Variants in ASIC2 observed in about 807,000 individuals in gnomAD.
The protein encoded by ASIC2 is acid-sensing ion channel 2.
ASIC2 carries 25 observed loss-of-function variants against 57.3 expected under a neutral mutation model. The ratio of observed to expected loss-of-function variants is 0.44; its 90% CI spans 0.32 to 0.61. ASIC2 has a LOEUF of 0.61. Among genes scored for constraint, ASIC2 ranks in the 20% least tolerant of loss-of-function variants. The probability of loss-of-function intolerance (pLI) is 0.06; values close to 1 mark genes in which losing one functional copy is unlikely to be tolerated. For missense variants in ASIC2, 641 were observed against 738.1 expected, an observed-to-expected ratio of 0.87 and a Z score of 1.52; for synonymous variants, 319 against 307.5, an observed-to-expected ratio of 1.04 and a Z score of -0.39.
chr17:33,030,797 C>T lies in ASIC2; in HGVS notation c.988-2405G>A, dbSNP rs145776956. Among the ~76,000 whole-genome samples, 11 of 152,238 alleles carry T rather than the reference C, an allele frequency of 7.2e-5. No individual in the cohort carries two copies. The East Asian group carries it at 2.1e-3, about 29-fold the overall frequency. The stretch of plus-strand genomic sequence containing the variant: ...TGATTTTTCTCCTTCATTCTATTAA[C>T]ACAGTGAATGGTATTGATTGATCTG... On this transcript the variant is annotated intron_variant, in intron 3 of 9. Coordinates refer to ENST00000225823, the MANE Select transcript of ASIC2 (RefSeq NM_183377.2).
chr17:33,799,403 TTTTCTTTCTTTCTTTCTTTCTTTC>T (rs1555562483), intron 1 of ASIC2, among the ~76,000 whole-genome samples: 32 of 51,360 alleles, frequency 6.2e-4, no homozygotes, highest in Non-Finnish European at 1.1e-3. Context: ...TCTTTCTTTC[TTTTCTTTCTTTCTTTCTTTCTTTC>T]TTCTTTCTTT....
intron 1 of ASIC2, among the ~76,000 whole-genome samples, chr17:33,950,530 G>A (rs1003979614): frequency 6.6e-6 from 1 of 152,262 alleles, no homozygotes; most frequent in Non-Finnish European, 1.5e-5. Flanking sequence ...TGAAGGGAAG[G>A]TGGGGTTGGG....
intron 5 of ASIC2, 36 bp downstream of exon 5, chr17:33,025,890 G>A (rs759733793): frequency 9.0e-6 from 14 of 1,559,374 alleles, no homozygotes; most frequent in Middle Eastern, 1.7e-4. Context: ...TCAGGCCCCC[G>A]GCCCCCATGA....
intron 1 of ASIC2, among the ~76,000 whole-genome samples, chr17:34,087,903 T>C (rs892218316): frequency 2.0e-5 from 3 of 152,156 alleles, no homozygotes; most frequent in Non-Finnish European, 2.9e-5. Context: ...GCTCCTTTAA[T>C]CACTTCTCTG....
chr17:33,723,290 AC>A (rs1281600571), intron 1 of ASIC2, among the ~76,000 whole-genome samples: 5 of 152,182 alleles, frequency 3.3e-5, no homozygotes, highest in Admixed American at 1.3e-4. Flanking sequence ...TTCATTCCAA[AC>A]ACTCTATGAT....
chr17:34,108,908 A>AATT, intron 1 of ASIC2, among the ~76,000 whole-genome samples: 1 of 151,816 alleles, frequency 6.6e-6, no homozygotes, highest in East Asian at 1.9e-4. Flanking sequence ...TTTATCTTGA[A>AATT]ATTTATTTTG....
chr17:34,014,165 A>C (rs1906864885), intron 1 of ASIC2, among the ~76,000 whole-genome samples: 2 of 152,176 alleles, frequency 1.3e-5, no homozygotes, highest in Non-Finnish European at 2.9e-5. Context: ...CACTATTCTC[A>C]GCTCTTTATG....
intron 1 of ASIC2, among the ~76,000 whole-genome samples, chr17:33,345,455 A>C (rs558224580): frequency 6.6e-6 from 1 of 152,304 alleles, no homozygotes; most frequent in South Asian, 2.1e-4. Context: ...CTCTTCTTGG[A>C]GGCTGGGCTC....
intron 1 of ASIC2, among the ~76,000 whole-genome samples, chr17:34,138,277 G>C (rs1368631365): frequency 2.6e-5 from 4 of 152,176 alleles, no homozygotes; most frequent in Non-Finnish European, 5.9e-5. Flanking sequence ...AACACATGCG[G>C]TGCTTTAAAC....
chr17:33,688,310 C>T (rs1308827601), intron 1 of ASIC2, among the ~76,000 whole-genome samples: 1 of 152,186 alleles, frequency 6.6e-6, no homozygotes, highest in Non-Finnish European at 1.5e-5. Context: ...TGTTGCGGCC[C>T]ACTGGTGTGT....
intron 1 of ASIC2, among the ~76,000 whole-genome samples, chr17:33,965,457 G>A (rs1905048293): frequency 6.6e-6 from 1 of 152,096 alleles, no homozygotes; most frequent in Non-Finnish European, 1.5e-5. Flanking sequence ...ATAAAGCCAA[G>A]CATGAAAGGA....
Position 33,369,444 on chromosome 17 carries a change from G to A in ASIC2, c.556-257377C>T, listed in dbSNP as rs544215910. ...TGCTGACAAGTCACTTTACTTTTTT[G>A]AGGCTTCCTTTCCCTTTTTGTAAAT... On this transcript the variant is annotated intron_variant, in intron 1 of 9. Coordinates refer to the ASIC2 transcript ENST00000359872. 2.6e-5 allele frequency among the ~76,000 whole-genome samples: 4 copies of A among 152,230 alleles called. No homozygotes were observed. The South Asian group carries it at 8.3e-4, about 32-fold the overall frequency.
chr17:33,828,286 T>C (rs1913001837), intron 1 of ASIC2: 1 of 152,224 alleles, frequency 6.6e-6, no homozygotes, highest in Non-Finnish European at 1.5e-5. Context: ...TTACATATAG[T>C]GCTCTGTAAT....
intron 1 of ASIC2, among the ~76,000 whole-genome samples, chr17:33,745,301 C>T (rs774006357): frequency 5.9e-5 from 9 of 151,960 alleles, no homozygotes; most frequent in Non-Finnish European, 1.0e-4. Context: ...GTCCAAATGC[C>T]GTGTGCTGCA....
At position 33,190,800 on chromosome 17, in the gene ASIC2, C is replaced by T. The variant is rs114375323; in HGVS notation, c.709-78733G>A. Among the ~76,000 whole-genome samples the T allele has an allele frequency of 6.2e-3, 942 of 152,028 alleles. 8 individuals are homozygous for T. Among genetic ancestry groups the T allele is most frequent in the African/African-American group, 0.022 (900 of 41,518 alleles). ...ACTACACTAAGCACCATTATAATGG[C>T]TAAAATGATAAAGACTGACCATCCC... On this transcript the variant is annotated intron_variant, in intron 1 of 9. Transcript: ENST00000225823.
chr17:33,944,614 T>C (rs1291092721), intron 1 of ASIC2, among the ~76,000 whole-genome samples: 1 of 152,194 alleles, frequency 6.6e-6, no homozygotes, highest in Non-Finnish European at 1.5e-5. Context: ...GCGTGTGATG[T>C]GGGCTAGTCT....
chr17:33,610,863 C>A (rs915187874), intron 1 of ASIC2, among the ~76,000 whole-genome samples: 14 of 152,126 alleles, frequency 9.2e-5, no homozygotes, highest in African/African-American at 3.1e-4. Flanking sequence ...CCACTGCCCT[C>A]CAGCCTGAGC....
chr17:33,085,432 T>C (rs986161221), intron 3 of ASIC2, among the ~76,000 whole-genome samples: 4 of 152,342 alleles, frequency 2.6e-5, no homozygotes, highest in Admixed American at 6.5e-5. Context: ...TGAAATGAAG[T>C]GTTTGAGGAC....
chr17:33,244,772 C>T (rs889455024), intron 1 of ASIC2, among the ~76,000 whole-genome samples: 1 of 152,224 alleles, frequency 6.6e-6, no homozygotes, highest in Non-Finnish European at 1.5e-5. Context: ...TGACCACTAA[C>T]CCTGCCTTTT....
Sources: gnomAD v4.1 joint callset for allele counts (sites outside exome capture counted in the v4.1 genomes callset) on GRCh38, gnomAD v4.1.1 for gene constraint, MANE v1.5 for transcripts, NCBI Gene and HGNC (gene_info 2026-07-23, HGNC 2026-07-21) for gene names.